TRPM8: variants seen among roughly 807,000 people sequenced by gnomAD.
TRPM8 encodes the protein transient receptor potential cation channel subfamily M member 8.
A neutral mutation model predicts 133.7 loss-of-function variants in TRPM8; 110 were observed. That is an observed-to-expected ratio of 0.82 (90% confidence interval 0.70 to 0.96). TRPM8 has a LOEUF of 0.96. Ranked by LOEUF, TRPM8 falls within the 40% of genes least tolerant of loss-of-function variation. The pLI, the probability that TRPM8 is intolerant of heterozygous loss-of-function variation, is 0.00. For synonymous variants in TRPM8, 535 were observed against 532.3 expected (o/e 1.01, Z -0.07); for missense variants, 1,291 against 1,379.5 (o/e 0.94, Z 1.02).
chr2:233,958,259 A>G (rs1028348825), intron 11 of TRPM8, among the ~76,000 whole-genome samples: 7 of 152,182 alleles, frequency 4.6e-5, no homozygotes, highest in African/African-American at 1.7e-4. Context: ...CATCCTCGCA[A>G]CCATCTATTT....
Position 233,987,118 on chromosome 2 carries a change from T to C in TRPM8, c.2939+1253T>C, listed in dbSNP as rs140421811. On this transcript the variant is annotated intron_variant, in intron 21 of 25. Transcript: ENST00000324695. ...TGGGAATCTATCCTAAAGGTGTATG[T>C]ACAAAGATGTTTATTAGATCACTAT... Among the ~76,000 whole-genome samples the C allele has an allele frequency of 2.6e-5, 4 of 152,308 alleles. No homozygotes were observed. In the East Asian group the frequency reaches 7.7e-4, roughly 29 times the overall value.
intron 1 of TRPM8, among the ~76,000 whole-genome samples, chr2:233,921,229 T>C (rs1691400079): frequency 6.6e-6 from 1 of 152,122 alleles, no homozygotes; most frequent in Non-Finnish European, 1.5e-5. Context: ...ATCACGTCAG[T>C]AGATTCGTAT....
At chr2:234,008,234 C>T in intron 24 of TRPM8, 131 bp downstream of exon 24, 1 of 917,110 alleles carries the variant, frequency 1.1e-6, no homozygotes. Context: ...TGTCTAAGAG[C>T]AGGGTGCTGG....
chr2:233,935,404 G>A (rs1574699076), intron 3 of TRPM8, among the ~76,000 whole-genome samples: 1 of 152,234 alleles, frequency 6.6e-6, no homozygotes, highest in African/African-American at 2.4e-5. Flanking sequence ...ACCCACATCT[G>A]CCAGAGGGGG....
At chr2:233,932,306 G>A (rs1012307347) in intron 3 of TRPM8, among the ~76,000 whole-genome samples, 2 of 152,186 alleles carry the variant, frequency 1.3e-5, no homozygotes, top group Admixed American at 6.5e-5. Context: ...TTGGTTGTGC[G>A]TTATCAGCTT....
At chr2:234,001,243 T>C (rs1034437106) in intron 22 of TRPM8, among the ~76,000 whole-genome samples, 16 of 152,212 alleles carry the variant, frequency 1.1e-4, no homozygotes, top group Middle Eastern at 3.4e-3. Context: ...ATGACCTGCT[T>C]CTGGGGAGAG....
At chr2:233,980,354 C>T in intron 18 of TRPM8, 75 bp downstream of exon 18, 2 of 984,014 alleles carry the variant, frequency 2.0e-6, no homozygotes, top group Admixed American at 5.3e-5. Flanking sequence ...GCAGACATTT[C>T]AAACCCAAGG....
chr2:233,979,625 C>T (rs1331553607), intron 17 of TRPM8, among the ~76,000 whole-genome samples: 8 of 152,208 alleles, frequency 5.3e-5, no homozygotes, highest in African/African-American at 1.9e-4. Flanking sequence ...AATACATACA[C>T]GTCGGTCCCT....
At chr2:233,981,954 C>T (rs368411322) in intron 19 of TRPM8, 39 bp downstream of exon 19, 43 of 1,556,482 alleles carry the variant, frequency 2.8e-5, no homozygotes, top group South Asian at 2.1e-4. Flanking sequence ...ATTTTTCTTG[C>T]GGGGCCCAGA....
At chr2:233,948,723 G>A (rs1326744226) in intron 8 of TRPM8, among the ~76,000 whole-genome samples, 1 of 152,152 alleles carries the variant, frequency 6.6e-6, no homozygotes, top group African/African-American at 2.4e-5. Flanking sequence ...GGAGAGGTGA[G>A]GTGAACTAGG....
Position 233,958,880 on chromosome 2 carries a change from G to C in TRPM8, c.1363-1896G>C, listed in dbSNP as rs372364711. Among the ~76,000 whole-genome samples, 15 of 152,304 alleles carry C rather than the reference G, an allele frequency of 9.8e-5. No homozygotes were observed. In the East Asian group the frequency reaches 1.9e-3, roughly 20 times the overall value. ...CAGGGATCAGGCACACAATGTAAGA[G>C]AGTAAGTGGGCCGGTGGGTCCCAGG... On this transcript the variant is annotated intron_variant, in intron 11 of 25. Transcript: ENST00000324695.
At position 233,942,623 on chromosome 2, in the gene TRPM8, A is replaced by T; in HGVS notation, c.574A>T (p.Ile192Phe). ...GGTHYGLMKY[I>F]GEVVRDNTIS... ...CACCCATTATGGCCTGATGAAGTAC[A>T]TCGGGGAGGTGGTGAGAGATAACAC... is the stretch of plus-strand genomic sequence containing the variant. Residue 192 changes from isoleucine (I) to phenylalanine (F), a missense_variant, in exon 6 of 26, where the codon ATC (isoleucine) becomes TTC (phenylalanine). Transcript: ENST00000324695. 1 of 1,614,220 alleles carries T rather than the reference A, an allele frequency of 6.2e-7. No homozygotes were observed. The highest frequency in any genetic ancestry group is 8.5e-7 in the Non-Finnish European group (1 of 1,180,042).
intron 14 of TRPM8, among the ~76,000 whole-genome samples, chr2:233,965,594 TA>T (rs1217349683): frequency 1.3e-5 from 2 of 152,200 alleles, no homozygotes; most frequent in African/African-American, 4.8e-5. Context: ...TGCAACGAGG[TA>T]TTTGCATCCA....
In TRPM8 at chr2:233,945,978, A is replaced by G. The variant is rs753984101; in HGVS notation, c.822A>G (p.Glu274=). Reference sequence around the variant, plus strand: ...GCTGTCATGGACATCCCACTGTCGAAGCAAAGCTCCGGAATCAGCTAGAGA... The same window carrying G: ...GCTGTCATGGACATCCCACTGTCGAGGCAAAGCTCCGGAATCAGCTAGAGA... ...DNGCHGHPTV[E]AKLRNQLEKY... The change falls in exon 7 of 26, where the codon GAA becomes GAG. Residue 274 remains glutamate, a synonymous_variant. Transcript: ENST00000324695. 2 of 1,614,182 alleles carry G rather than the reference A, an allele frequency of 1.2e-6. No homozygotes were observed. Among genetic ancestry groups the G allele is most frequent in the South Asian group, 1.1e-5 (1 of 91,084 alleles).
chr2:233,917,590 T>C (rs1691328081), intron 1 of TRPM8, among the ~76,000 whole-genome samples, 158 bp downstream of exon 1: 1 of 152,238 alleles, frequency 6.6e-6, no homozygotes, highest in Non-Finnish European at 1.5e-5. Flanking sequence ...CCTCAAAGTG[T>C]TGTGGGCATA....
chr2:233,996,228 A>G (rs1692397775), intron 21 of TRPM8, 98 bp from the exon 22 acceptor site: 1 of 1,079,556 alleles, frequency 9.3e-7, no homozygotes, highest in South Asian at 1.5e-5. Flanking sequence ...TACTTAAGCT[A>G]TTGCAGTAAT....
At chr2:234,013,570 C>T (rs977238113) in intron 24 of TRPM8, 1 of 152,110 alleles carries the variant, frequency 6.6e-6, no homozygotes, top group African/African-American at 2.4e-5. Context: ...AAAAAACCAA[C>T]TCTTACTTTC....
chr2:233,990,236 G>T (rs764626228), intron 21 of TRPM8, among the ~76,000 whole-genome samples: 2 of 152,254 alleles, frequency 1.3e-5, no homozygotes, highest in African/African-American at 4.8e-5. Flanking sequence ...ACTCATTTCT[G>T]TGTAGGTGTG....
At chr2:233,967,256 A>G (rs1341596404) in intron 15 of TRPM8, among the ~76,000 whole-genome samples, 2 of 152,182 alleles carry the variant, frequency 1.3e-5, no homozygotes, top group Admixed American at 6.5e-5. Context: ...ACTATTGTGA[A>G]ATGGGTAAAA....
Sources: allele counts gnomAD v4.1 joint callset (sites outside exome capture counted in the v4.1 genomes callset), GRCh38; gene constraint gnomAD v4.1.1; transcripts MANE v1.5; gene names NCBI Gene and HGNC (gene_info 2026-07-23, HGNC 2026-07-21).